The following CRYBA4 variants were observed in gnomAD, a reference collection of about 807,000 sequenced individuals.
CRYBA4 encodes the protein beta-crystallin A4.
A neutral mutation model predicts 31.7 loss-of-function variants in CRYBA4; 30 were observed. The ratio of observed to expected loss-of-function variants is 0.95; its 90% CI spans 0.71 to 1.28. The LOEUF (loss-of-function observed/expected upper bound fraction) is 1.28. Among genes scored for constraint, CRYBA4 ranks in the 50% most tolerant of loss-of-function variants. The pLI, the probability that CRYBA4 is intolerant of heterozygous loss-of-function variation, is 0.00. For synonymous variants in CRYBA4, 102 were observed against 102.3 expected (o/e 1.00, Z 0.02); for missense variants, 225 against 260.7 (o/e 0.86, Z 0.94).
chr22:26,598,378 T>G, the CRYBA4 span, among the ~76,000 whole-genome samples: 194 of 152,160 alleles, frequency 1.3e-3, 1 homozygote, highest in Admixed American at 2.0e-3. Context: ...TTTCTCGCTC[T>G]CTCTCTCTTT....
At chr22:26,591,829 A>G in the CRYBA4 span, among the ~76,000 whole-genome samples, 2 of 147,268 alleles carry the variant, frequency 1.4e-5, no homozygotes, top group African/African-American at 5.0e-5. Flanking sequence ...AATTGCTTGA[A>G]CCCAGGAGGC....
rs2071862 is a variant in CRYBA4, at chr22:26,625,437, G to A, written c.159-44G>A. On this transcript the variant is annotated intron_variant, in intron 3 of 5. Transcript: ENST00000354760. Reference sequence around the variant, plus strand: ...CAATTGCTGGTCTAGAATGCAGGGTGAGGGGGACGCTTACCTCCTGCACAC... The same window carrying A: ...CAATTGCTGGTCTAGAATGCAGGGTAAGGGGGACGCTTACCTCCTGCACAC... The A allele has an allele frequency of 0.15, 245,095 of 1,607,116 alleles. 20,966 individuals are homozygous for A. Among genetic ancestry groups the A allele is most frequent in the East Asian group, 0.39 (17,523 of 44,730 alleles).
chr22:26,592,761 G>T, the CRYBA4 span, among the ~76,000 whole-genome samples: 1 of 152,216 alleles, frequency 6.6e-6, no homozygotes, highest in Non-Finnish European at 1.5e-5. Context: ...TCCCTCTGGT[G>T]CTGTGTGAAG....
chr22:26,623,303 C>T lies in CRYBA4; in HGVS notation c.109C>T (p.Leu37=). ...GTTCACGGCCGAGTGCCCCAGCGTG[C>T]TGGAGCTTGGCTTCGAGACTGTGCG... ...HEFTAECPSV[L]ELGFETVRSL... The change falls in exon 3 of 6, where the codon CTG becomes TTG. Residue 37 remains leucine (L), a synonymous_variant. Coordinates refer to ENST00000354760, the MANE Select transcript of CRYBA4 (RefSeq NM_001886.3). 1 of 1,614,048 alleles carries T rather than the reference C, an allele frequency of 6.2e-7. No individual in the cohort carries two copies. The highest frequency in any genetic ancestry group is 8.5e-7 in the Non-Finnish European group (1 of 1,180,034).
At chr22:26,627,380 CTT>C (rs1361666271) in intron 4 of CRYBA4, among the ~76,000 whole-genome samples, 7 of 62,728 alleles carry the variant, frequency 1.1e-4, no homozygotes, top group African/African-American at 2.3e-4. Context: ...TTCTTTCTTT[CTT>C]TCTTTCTTTC....
chr22:26,622,524 C>G (rs1394085791), intron 1 of CRYBA4, 61 bp from the exon 2 acceptor site: 1 of 1,455,296 alleles, frequency 6.9e-7, no homozygotes, highest in Non-Finnish European at 9.7e-7. Context: ...AGCCAGCCAT[C>G]TGCATAAAGA....
At chr22:26,628,457 C>G (rs1339877880) in intron 5 of CRYBA4, 27 bp downstream of exon 5, 2 of 1,612,540 alleles carry the variant, frequency 1.2e-6, no homozygotes, top group African/African-American at 2.7e-5. Context: ...CTCTACCTGG[C>G]AGGGGAGGGG....
chr22:26,611,723 C>G, the CRYBA4 span, among the ~76,000 whole-genome samples: 1 of 152,140 alleles, frequency 6.6e-6, no homozygotes, highest in African/African-American at 2.4e-5. Flanking sequence ...ATCCACCCGC[C>G]TCGGCCTCCC....
At chr22:26,593,426 C>G in the CRYBA4 span, among the ~76,000 whole-genome samples, 1 of 152,022 alleles carries the variant, frequency 6.6e-6, no homozygotes, top group Non-Finnish European at 1.5e-5. Flanking sequence ...TAGCTTGAAC[C>G]CAGGAGATTG....
At chr22:26,616,361 AG>A in the CRYBA4 span, 1 of 1,554,702 alleles carries the variant, frequency 6.4e-7, no homozygotes, top group Non-Finnish European at 8.8e-7. Context: ...TCTGGCCTTC[AG>A]GGATGACACC....
upstream of CRYBA4, among the ~76,000 whole-genome samples, chr22:26,621,195 G>A (rs930656857): frequency 3.3e-5 from 5 of 152,222 alleles, no homozygotes; most frequent in Admixed American, 6.5e-5. Flanking sequence ...TGCAAAGCAT[G>A]TTTGCAACTA....
chr22:26,621,072 G>A (rs1025126701), upstream of CRYBA4, among the ~76,000 whole-genome samples: 1 of 152,146 alleles, frequency 6.6e-6, no homozygotes, highest in African/African-American at 2.4e-5. Context: ...AAGTATGTAT[G>A]TATGAGGGAC....
rs12053788 is a variant in CRYBA4, at chr22:26,623,271, G to C, written c.77G>C (p.Arg26Pro). The C allele has an allele frequency of 6.2e-7, 1 of 1,613,810 alleles. No individual in the cohort carries two copies. The highest frequency in any genetic ancestry group is 2.2e-5 in the East Asian group (1 of 44,896). The change falls in exon 3 of 6, where the codon CGG becomes CCG. Residue 26 changes from arginine to proline, a missense_variant. Transcript: ENST00000354760. ...VWDEDGFQGR[R>P]HEFTAECPSV... ...GATGAGGACGGCTTCCAGGGCCGGC[G>C]GCACGAGTTCACGGCCGAGTGCCCC...
chr22:26,606,067 A>T, the CRYBA4 span, among the ~76,000 whole-genome samples: 1 of 152,208 alleles, frequency 6.6e-6, no homozygotes, highest in African/African-American at 2.4e-5. Context: ...AGTGTATTTT[A>T]TGTGTAGCCC....
the CRYBA4 span, among the ~76,000 whole-genome samples, chr22:26,608,890 G>T: frequency 6.6e-6 from 1 of 152,116 alleles, no homozygotes; most frequent in Non-Finnish European, 1.5e-5. Context: ...AAGATGCTAG[G>T]TTCCTTACAT....
At chr22:26,615,496 G>A in the CRYBA4 span, among the ~76,000 whole-genome samples, 30,551 of 151,828 alleles carry the variant, frequency 0.2, 3,258 homozygotes, top group Middle Eastern at 0.23. Context: ...CTCAACTATA[G>A]GTCCCCTTTT....
chr22:26,594,088 GAAGT>G, the CRYBA4 span, among the ~76,000 whole-genome samples: 2 of 152,178 alleles, frequency 1.3e-5, no homozygotes, highest in African/African-American at 4.8e-5. Context: ...CAGTGGGCAG[GAAGT>G]AAAAGTAAGT....
At chr22:26,622,672 AT>A (rs1929569535) in intron 2 of CRYBA4, 37 bp downstream of exon 2, 3 of 693,800 alleles carry the variant, frequency 4.3e-6, no homozygotes, top group African/African-American at 3.7e-5. Context: ...TTCAGGGGGT[AT>A]GGGGAGGGTT....
chr22:26,623,439 T>G (rs180731462), intron 3 of CRYBA4, 87 bp downstream of exon 3: 2 of 1,020,692 alleles, frequency 2.0e-6, no homozygotes. Context: ...ATATTCTAGG[T>G]CCCCTCTCCC....
Sources: gnomAD v4.1 joint callset for allele counts (sites outside exome capture counted in the v4.1 genomes callset) on GRCh38, gnomAD v4.1.1 for gene constraint, MANE v1.5 for transcripts, NCBI Gene and HGNC (gene_info 2026-07-23, HGNC 2026-07-21) for gene names.